PTBP3: variants seen among roughly 807,000 people sequenced by gnomAD.
PTBP3 encodes the protein polypyrimidine tract-binding protein 3.
PTBP3 carries 20 observed loss-of-function variants against 58.7 expected under a neutral mutation model. The ratio of observed to expected loss-of-function variants is 0.34; its 90% CI spans 0.24 to 0.50. The LOEUF is 0.50. PTBP3 is among the 20% of genes least tolerant of loss of function. The pLI is 0.98. For missense variants in PTBP3, 509 were observed against 637.2 expected, an observed-to-expected ratio of 0.80 and a Z score of 2.17; for synonymous variants, 185 against 219.8, an observed-to-expected ratio of 0.84 and a Z score of 1.40.
chr9:112,240,375 A>G (rs1015936571), intron 7 of PTBP3, among the ~76,000 whole-genome samples: 12 of 152,290 alleles, frequency 7.9e-5, no homozygotes, highest in Admixed American at 2.6e-4. Flanking sequence ...CACATATACA[A>G]TGGTGGTCCC....
At chr9:112,314,712 A>G (rs1463941856) in intron 1 of PTBP3, among the ~76,000 whole-genome samples, 1 of 152,190 alleles carries the variant, frequency 6.6e-6, no homozygotes, top group Non-Finnish European at 1.5e-5. Flanking sequence ...AGAACTACAA[A>G]AAGAAATACA....
intron 7 of PTBP3, among the ~76,000 whole-genome samples, chr9:112,248,374 A>C (rs1351633413): frequency 1.3e-5 from 2 of 152,164 alleles, no homozygotes; most frequent in African/African-American, 4.8e-5. Context: ...AAAAACAGAC[A>C]AAAGAATTGC....
chr9:112,279,062 A>T (rs1827746099), intron 2 of PTBP3, among the ~76,000 whole-genome samples: 1 of 152,218 alleles, frequency 6.6e-6, no homozygotes, highest in Admixed American at 6.5e-5. Context: ...CTCAAAATCT[A>T]AGAACGACTC....
At chr9:112,324,192 C>T (rs1282814124) in intron 1 of PTBP3, among the ~76,000 whole-genome samples, 3 of 151,858 alleles carry the variant, frequency 2.0e-5, no homozygotes, top group Non-Finnish European at 2.9e-5. Context: ...AAAGCATCCT[C>T]GGAGTAAAGC....
chr9:112,252,932 AT>A, intron 5 of PTBP3, 144 bp from the exon 6 acceptor site: 1 of 599,544 alleles, frequency 1.7e-6, no homozygotes, highest in East Asian at 2.8e-5. Context: ...AGCCTAAAAC[AT>A]TAACATTTCA....
chr9:112,326,274 C>T (rs1403417925), intron 1 of PTBP3, among the ~76,000 whole-genome samples: 1 of 152,202 alleles, frequency 6.6e-6, no homozygotes, highest in East Asian at 1.9e-4. Flanking sequence ...TCTACATTTC[C>T]TATAGCTCAA....
In PTBP3 at chr9:112,288,990, T is replaced by G. The variant is rs114186806; in HGVS notation, c.34+8842A>C. Among the ~76,000 whole-genome samples the G allele has an allele frequency of 5.1e-3, 775 of 152,300 alleles. 10 individuals are homozygous for G. Among genetic ancestry groups the G allele is most frequent in the African/African-American group, 0.018 (735 of 41,560 alleles). ...AGTGGCAGAGAATGCAAATTTGTTT[T>G]CCAACGTTTGTTTTCTACGTAAACC... On this transcript the variant is annotated intron_variant, in intron 2 of 13. Coordinates refer to ENST00000374257, the MANE Select transcript of PTBP3 (RefSeq NM_001163788.4).
rs543699094 is a variant in PTBP3 at position 112,239,541 on chromosome 9, A to G, written c.803-4644T>C. ...GGCCACGAGTTCAAGAGAAGCCTGG[A>G]AAACATAGTGAGACCCCGCCTCTCT... On this transcript the variant is annotated intron_variant, in intron 7 of 13. Coordinates refer to ENST00000374257, the MANE Select transcript of PTBP3 (RefSeq NM_001163788.4). Among the ~76,000 whole-genome samples the G allele has an allele frequency of 9.2e-5, 14 of 151,934 alleles. No homozygotes were observed. The South Asian group carries it at 2.7e-3, about 29-fold the overall frequency.
At chr9:112,360,201 C>G in the PTBP3 span, among the ~76,000 whole-genome samples, 2 of 151,890 alleles carry the variant, frequency 1.3e-5, no homozygotes, top group Non-Finnish European at 2.9e-5. Flanking sequence ...TTTTTTTTTC[C>G]AAGACAGGGT....
chr9:112,367,928 A>G, the PTBP3 span, among the ~76,000 whole-genome samples: 76 of 151,974 alleles, frequency 5.0e-4, no homozygotes, highest in Non-Finnish European at 6.0e-4. Flanking sequence ...CATAATGTAT[A>G]TATTAGTTTG....
At chr9:112,244,855 G>T (rs1835816377) in intron 7 of PTBP3, among the ~76,000 whole-genome samples, 1 of 151,642 alleles carries the variant, frequency 6.6e-6, no homozygotes, top group Non-Finnish European at 1.5e-5. Context: ...TCAACAAGCT[G>T]ATCTTAAAAT....
chr9:112,333,413 C>G, intron 1 of PTBP3, 57 bp downstream of exon 1: 1 of 1,551,446 alleles, frequency 6.4e-7, no homozygotes, highest in Non-Finnish European at 8.7e-7. Flanking sequence ...CGCGGAGAGC[C>G]GGGTGGAAGC....
Position 112,220,409 on chromosome 9 carries a change from A to G in PTBP3, c.*3442T>C. ...AATAAAGTAAAATAAAAAGAAATTG[A>G]GCAGAGGCATTCATAGGAGCCACTT... On this transcript the variant is annotated 3_prime_UTR_variant, in exon 14 of 14. Coordinates refer to ENST00000374257, the MANE Select transcript of PTBP3 (RefSeq NM_001163788.4). 8.3e-7 allele frequency: 1 copy of G among 1,201,976 alleles called. No homozygotes were observed. The highest frequency in any genetic ancestry group is 1.1e-6 in the Non-Finnish European group (1 of 950,188). 74.5% of individuals were successfully genotyped at this position (1,201,976 alleles called of 1,614,324 possible). A position where few individuals can be genotyped will look rare whatever the true frequency, so the allele number is the denominator to read the frequency against.
chr9:112,344,331 G>A, the PTBP3 span, among the ~76,000 whole-genome samples: 2 of 152,122 alleles, frequency 1.3e-5, no homozygotes, highest in Non-Finnish European at 1.5e-5. Flanking sequence ...TAGGTCATTA[G>A]GGGGAATTAA....
chr9:112,232,307 A>T, intron 8 of PTBP3, 69 bp from the exon 9 acceptor site: 1 of 1,378,450 alleles, frequency 7.3e-7, no homozygotes, highest in Non-Finnish European at 9.8e-7. Context: ...ATACAATTTA[A>T]GTAAATAAAG....
rs1159286332 is a variant in PTBP3 at position 112,234,808 on chromosome 9, T to C, written c.880+12A>G. The C allele has an allele frequency of 1.2e-6, 2 of 1,601,236 alleles. No homozygotes were observed. Among genetic ancestry groups the C allele is most frequent in the East Asian group, 2.2e-5 (1 of 44,762 alleles). ...ATTAAAAGTCATTTCAAATCCAACT[T>C]AAAAGAATCACCTGTAGCTTGAGGA... On this transcript the variant is annotated intron_variant, in intron 8 of 13. Transcript: ENST00000374257.
chr9:112,363,560 A>ACAC, the PTBP3 span, among the ~76,000 whole-genome samples: 4 of 95,816 alleles, frequency 4.2e-5, no homozygotes, highest in South Asian at 4.6e-4. Flanking sequence ...ACACACACAC[A>ACAC]AAGGCTATTC....
At chr9:112,306,586 GTA>G (rs569038891) in intron 1 of PTBP3, among the ~76,000 whole-genome samples, 12 of 114,508 alleles carry the variant, frequency 1.0e-4, no homozygotes, top group East Asian at 2.4e-4. Context: ...ATTTAAATTT[GTA>G]TATATATATA....
At chr9:112,306,987 A>C (rs1449545970) in intron 1 of PTBP3, among the ~76,000 whole-genome samples, 1 of 152,216 alleles carries the variant, frequency 6.6e-6, no homozygotes, top group East Asian at 1.9e-4. Flanking sequence ...TTCAAAATAA[A>C]CAATTACATT....
Sources: allele counts gnomAD v4.1 joint callset (sites outside exome capture counted in the v4.1 genomes callset), GRCh38; gene constraint gnomAD v4.1.1; transcripts MANE v1.5; gene names NCBI Gene and HGNC (gene_info 2026-07-23, HGNC 2026-07-21).